Variants in KALRN observed in about 807,000 individuals in gnomAD.
KALRN encodes the protein kalirin RhoGEF kinase, also known as kalirin.
KALRN carries 70 observed loss-of-function variants against 353.7 expected under a neutral mutation model. That is an observed-to-expected ratio of 0.20 (90% CI 0.16 to 0.24). The LOEUF (loss-of-function observed/expected upper bound fraction) is 0.24. Ranked by LOEUF, KALRN falls within the 10% of genes least tolerant of loss-of-function variation. The pLI, the probability that KALRN is intolerant of heterozygous loss-of-function variation, is 1.00. For synonymous variants in KALRN, 1,391 were observed against 1,434.8 expected (o/e 0.97, Z 0.69); for missense variants, 2,791 against 3,756.7 (o/e 0.74, Z 6.72).
intron 1 of KALRN, among the ~76,000 whole-genome samples, chr3:124,112,196 G>C (rs1005384203): frequency 6.6e-6 from 1 of 151,326 alleles, no homozygotes; most frequent in African/African-American, 2.4e-5. Context: ...CCAGCTACTT[G>C]AGAGGCTGAG....
At chr3:124,560,755 C>T (rs1333873426) in intron 33 of KALRN, among the ~76,000 whole-genome samples, 5 of 152,042 alleles carry the variant, frequency 3.3e-5, no homozygotes, top group Non-Finnish European at 2.9e-5. Context: ...GGGTACACAC[C>T]GGTCCCAGCT....
intron 21 of KALRN, among the ~76,000 whole-genome samples, chr3:124,453,316 T>TA (rs1456410062): frequency 6.6e-6 from 1 of 152,226 alleles, no homozygotes; most frequent in Non-Finnish European, 1.5e-5. Context: ...GGCACCAGCC[T>TA]ACTGTCCTGA....
At chr3:124,686,727 GT>G (rs1484574193) in intron 51 of KALRN, among the ~76,000 whole-genome samples, 1 of 150,408 alleles carries the variant, frequency 6.6e-6, no homozygotes, top group East Asian at 2.0e-4. Flanking sequence ...ACAGCAGTAG[GT>G]TTTAAGCAGT....
intron 1 of KALRN, chr3:124,164,466 A>G (rs925518756): frequency 6.6e-6 from 1 of 152,170 alleles, no homozygotes; most frequent in Non-Finnish European, 1.5e-5. Flanking sequence ...CAAACTCTCT[A>G]TTTTCTGGAA....
chr3:124,246,007 G>A (rs1443888390), intron 3 of KALRN, among the ~76,000 whole-genome samples: 3 of 152,066 alleles, frequency 2.0e-5, no homozygotes, highest in African/African-American at 7.2e-5. Context: ...ATGTCCTTCA[G>A]TTCCATCCAT....
At chr3:124,045,663 C>T (rs1282645849) in intron 1 of KALRN, among the ~76,000 whole-genome samples, 1 of 151,852 alleles carries the variant, frequency 6.6e-6, no homozygotes, top group Non-Finnish European at 1.5e-5. Context: ...TGTCAGACAC[C>T]AGCTGTACAC....
At chr3:124,048,567 C>T (rs377530615) in intron 1 of KALRN, among the ~76,000 whole-genome samples, 5 of 151,900 alleles carry the variant, frequency 3.3e-5, no homozygotes, top group Non-Finnish European at 5.9e-5. Context: ...CTGCAAGCTC[C>T]GCCTCCCGGG....
intron 1 of KALRN, among the ~76,000 whole-genome samples, chr3:124,059,727 A>G (rs1227488381): frequency 2.0e-5 from 3 of 152,128 alleles, no homozygotes; most frequent in Non-Finnish European, 1.5e-5. Flanking sequence ...CTTGCTTTTT[A>G]TCATAGAAAT....
Position 124,650,928 on chromosome 3 carries a change from A to G in KALRN, c.5785A>G (p.Arg1929Gly). ...PEEEQKAKAL[R>G]GRMFVLNELV... is the part of the protein sequence containing the mutation. ...AGAAGAACAGAAAGCCAAGGCCCTG[A>G]GAGGCAGGATGTAAGTGGCTTCCCC... The change falls in exon 38 of 60, where the codon AGA (arginine) becomes GGA (glycine). Residue 1929 changes from arginine to glycine, a missense_variant. Transcript: ENST00000682506. The G allele has an allele frequency of 6.2e-7, 1 of 1,614,160 alleles. No individual in the cohort carries two copies. Among genetic ancestry groups the G allele is most frequent in the Non-Finnish European group, 8.5e-7 (1 of 1,180,028 alleles).
chr3:124,576,599 T>TCTTGGC (rs1300120951), intron 34 of KALRN, among the ~76,000 whole-genome samples: 1 of 152,200 alleles, frequency 6.6e-6, no homozygotes, highest in Non-Finnish European at 1.5e-5. Context: ...AGCAGGTCAT[T>TCTTGGC]ATCCACATTC....
intron 10 of KALRN, 76 bp from the exon 11 acceptor site, chr3:124,384,769 G>C (rs1378427566): frequency 2.8e-6 from 4 of 1,425,496 alleles, no homozygotes; most frequent in Non-Finnish European, 3.8e-6. Flanking sequence ...CTCCGCTTCA[G>C]CTCCGGGGAG....
Position 124,496,302 on chromosome 3 carries a change from T to G in KALRN, c.4833-9T>G. The G allele has an allele frequency of 6.2e-7, 1 of 1,600,174 alleles. No individual in the cohort carries two copies. The highest frequency in any genetic ancestry group is 1.1e-5 in the South Asian group (1 of 90,700). Reference sequence around the variant, plus strand: ...CCCCACCCCTGTTTTTTTTCTCTTCTTCCTGCAGGGATGGAGTGGAGGATA... The same window carrying G: ...CCCCACCCCTGTTTTTTTTCTCTTCGTCCTGCAGGGATGGAGTGGAGGATA... On this transcript the variant is annotated splice_polypyrimidine_tract_variant and intron_variant, in intron 32 of 59. Transcript: ENST00000682506.
intron 6 of KALRN, among the ~76,000 whole-genome samples, chr3:124,319,146 T>A (rs1267877197): frequency 1.3e-5 from 2 of 151,856 alleles, no homozygotes; most frequent in Non-Finnish European, 2.9e-5. Flanking sequence ...GCAACCCAGC[T>A]AAATGTATTA....
chr3:124,557,516 G>GA (rs1577963396), intron 33 of KALRN, among the ~76,000 whole-genome samples: 4 of 152,288 alleles, frequency 2.6e-5, no homozygotes. Context: ...GGGGAGGAGA[G>GA]AAAGACAGTT....
At chr3:124,209,321 A>G (rs1330855922) in intron 1 of KALRN, among the ~76,000 whole-genome samples, 2 of 151,862 alleles carry the variant, frequency 1.3e-5, no homozygotes, top group African/African-American at 4.8e-5. Flanking sequence ...CCTGGGCAAC[A>G]TGGCAAAACC....
At position 124,208,984 on chromosome 3, in the gene KALRN, AATC is replaced by A. The variant is rs200377308; in HGVS notation, c.74-18988_74-18986del. ...CTGTCTCAATAATAATAATAATAATAATCATCATCATCATCATCATAACCAATA... is the reference window on the plus strand; with the variant it reads ...CTGTCTCAATAATAATAATAATAATAATCATCATCATCATCATAACCAATA... On this transcript the variant is annotated intron_variant, in intron 1 of 59. Coordinates refer to ENST00000682506, the MANE Select transcript of KALRN (RefSeq NM_001388419.1). Among the ~76,000 whole-genome samples, 22 of 150,354 alleles carry A rather than the reference AATC, an allele frequency of 1.5e-4. 1 individual carries two copies. Among genetic ancestry groups the A allele is most frequent in the East Asian group, 2.0e-4 (1 of 5,086 alleles).
At chr3:124,077,649 A>G (rs893711303) in intron 1 of KALRN, among the ~76,000 whole-genome samples, 1 of 152,186 alleles carries the variant, frequency 6.6e-6, no homozygotes, top group African/African-American at 2.4e-5. Flanking sequence ...CAGAAGTTTA[A>G]TGATACAACA....
chr3:124,196,496 G>A (rs923632901), intron 1 of KALRN, among the ~76,000 whole-genome samples: 1 of 152,124 alleles, frequency 6.6e-6, no homozygotes, highest in Non-Finnish European at 1.5e-5. Context: ...AAATTCCTCA[G>A]GAACACATTT....
At chr3:124,360,905 C>G (rs2083966578) in intron 10 of KALRN, among the ~76,000 whole-genome samples, 1 of 152,172 alleles carries the variant, frequency 6.6e-6, no homozygotes, top group Admixed American at 6.5e-5. Context: ...GCAAATTTCA[C>G]AAGACTATTT....
Sources: allele counts gnomAD v4.1 joint callset (sites outside exome capture counted in the v4.1 genomes callset), GRCh38; gene constraint gnomAD v4.1.1; transcripts MANE v1.5; gene names NCBI Gene and HGNC (gene_info 2026-07-23, HGNC 2026-07-21).